The following MNAT1 variants were observed in gnomAD, a reference collection of about 807,000 sequenced individuals.
MNAT1 encodes CDK-activating kinase assembly factor MAT1.
Under a neutral mutation model 42.0 loss-of-function variants are expected in MNAT1, and 43 were observed. The observed-to-expected ratio is 1.02, with a 90% CI of 0.80 to 1.32. The LOEUF is 1.32. Among genes scored for constraint, MNAT1 ranks in the 40% most tolerant of loss-of-function variants. The pLI is 0.00. For synonymous variants in MNAT1, 118 were observed against 120.0 expected, an observed-to-expected ratio of 0.98 and a Z score of 0.11; for missense variants, 306 against 350.4, an observed-to-expected ratio of 0.87 and a Z score of 1.01.
At position 60,818,724 on chromosome 14, in the gene MNAT1, G is replaced by GCA; in HGVS notation, c.564_565insCA (p.Ser189GlnfsTer21). ...TTGAACTTGAACTATTCTTACAGGA[G>GCA]AGTTCTGATCTCCCTGTTGCTCTGC... is the stretch of plus-strand genomic sequence containing the variant. On this transcript the variant is annotated frameshift_variant, in exon 6 of 8. Transcript: ENST00000261245. LOFTEE classifies it high-confidence loss of function. 1 of 1,598,406 alleles carries GCA rather than the reference G, an allele frequency of 6.3e-7. No homozygotes were observed. The highest frequency in any genetic ancestry group is 8.5e-7 in the Non-Finnish European group (1 of 1,171,486).
chr14:60,843,024 A>G (rs1395005333), intron 6 of MNAT1, among the ~76,000 whole-genome samples: 1 of 152,186 alleles, frequency 6.6e-6, no homozygotes, highest in African/African-American at 2.4e-5. Context: ...GAATGTGTGT[A>G]TATCTGTTTA....
rs189622167 is a variant in MNAT1 at position 60,771,059 on chromosome 14, G to A, written c.90-25158G>A. ...GTTATGGTTTCTCTAGTATATATAC[G>A]TAGAATAAAACTATTAGGTAATAAG... On this transcript the variant is annotated intron_variant, in intron 1 of 7. Transcript: ENST00000261245. Among the ~76,000 whole-genome samples, 11 of 152,158 alleles carry A rather than the reference G, an allele frequency of 7.2e-5. No individual in the cohort carries two copies. The South Asian group carries it at 8.3e-4, about 11-fold the overall frequency.
At chr14:60,916,826 G>A (rs1051469491) in intron 7 of MNAT1, among the ~76,000 whole-genome samples, 31 of 152,064 alleles carry the variant, frequency 2.0e-4, no homozygotes, top group Non-Finnish European at 1.3e-4. Flanking sequence ...GGTTGTGCAT[G>A]CCAGTAGTCC....
At chr14:60,859,733 C>G (rs1038350190) in intron 6 of MNAT1, among the ~76,000 whole-genome samples, 1 of 152,034 alleles carries the variant, frequency 6.6e-6, no homozygotes, top group East Asian at 1.9e-4. Flanking sequence ...AGTCTCTTTC[C>G]TCTTGACACC....
At chr14:60,908,191 T>C (rs1219747019) in intron 7 of MNAT1, among the ~76,000 whole-genome samples, 1 of 152,166 alleles carries the variant, frequency 6.6e-6, no homozygotes, top group Non-Finnish European at 1.5e-5. Flanking sequence ...TTTTAGTTTG[T>C]TACTTATTTC....
intron 7 of MNAT1, among the ~76,000 whole-genome samples, chr14:60,916,534 G>A (rs1329510325): frequency 6.6e-6 from 1 of 152,152 alleles, no homozygotes; most frequent in African/African-American, 2.4e-5. Flanking sequence ...ATGCATCTGT[G>A]TTCCCAGCTA....
chr14:60,925,035 C>T (rs1457671228), intron 7 of MNAT1, among the ~76,000 whole-genome samples: 1 of 152,168 alleles, frequency 6.6e-6, no homozygotes. Flanking sequence ...GCTGTCCATT[C>T]ATGGGTCCAC....
intron 6 of MNAT1, among the ~76,000 whole-genome samples, chr14:60,838,296 TG>T (rs1254398396): frequency 6.6e-6 from 1 of 151,888 alleles, no homozygotes; most frequent in Non-Finnish European, 1.5e-5. Context: ...CCACCACACC[TG>T]GCGAATTTTT....
chr14:60,784,201 T>TTTTTTTTTTTTTTC lies in MNAT1; in HGVS notation c.90-12014_90-12013insTTTTTTTTTTTCTT, dbSNP rs1435948099. Among the ~76,000 whole-genome samples the TTTTTTTTTTTTTTC allele has an allele frequency of 2.8e-4, 40 of 143,962 alleles. 1 individual carries two copies. The highest frequency in any genetic ancestry group is 8.7e-4 in the African/African-American group (33 of 38,076). 94.4% of individuals were successfully genotyped at this position (143,962 alleles called of 152,430 possible). A position where few individuals can be genotyped will look rare whatever the true frequency, so the allele number is the denominator to read the frequency against. On this transcript the variant is annotated intron_variant, in intron 1 of 7. Coordinates refer to ENST00000261245, the MANE Select transcript of MNAT1 (RefSeq NM_002431.4). ...CTAATTTTTTTTTTTTTTTTTTTTT[T>TTTTTTTTTTTTTTC]TTAGTAGAGGCGAGGTTTTGCCATG...
chr14:60,796,400 A>C (rs200214735), intron 2 of MNAT1, 31 bp downstream of exon 2: 1 of 1,587,256 alleles, frequency 6.3e-7, no homozygotes, highest in East Asian at 2.3e-5. Flanking sequence ...GATTCAGTCA[A>C]CAAAGAGGAC....
intron 7 of MNAT1, among the ~76,000 whole-genome samples, chr14:60,903,822 G>A (rs2035125375): frequency 7.4e-6 from 1 of 135,882 alleles, no homozygotes; most frequent in South Asian, 2.3e-4. Flanking sequence ...AAACGTAGTT[G>A]TTTCATTTAA....
chr14:60,821,069 T>C (rs543767538), intron 6 of MNAT1, among the ~76,000 whole-genome samples: 35 of 152,328 alleles, frequency 2.3e-4, no homozygotes, highest in African/African-American at 7.7e-4. Context: ...CCTTGCTCCT[T>C]ATGCTCAATT....
chr14:60,933,813 T>C (rs2035937146), intron 7 of MNAT1, among the ~76,000 whole-genome samples: 1 of 152,108 alleles, frequency 6.6e-6, no homozygotes, highest in Non-Finnish European at 1.5e-5. Context: ...TATATAGAAT[T>C]TTTTCACTTA....
intron 3 of MNAT1, among the ~76,000 whole-genome samples, chr14:60,804,586 T>TACTA (rs1261846861): frequency 6.6e-6 from 1 of 152,190 alleles, no homozygotes. Context: ...AGTGCAGTGG[T>TACTA]ACTATCATAG....
chr14:60,897,793 T>C (rs1219052994), intron 7 of MNAT1, among the ~76,000 whole-genome samples: 1 of 152,212 alleles, frequency 6.6e-6, no homozygotes, highest in Non-Finnish European at 1.5e-5. Flanking sequence ...TAACATATTG[T>C]TGCTAACTGT....
At chr14:60,821,439 C>A (rs2032887383) in intron 6 of MNAT1, among the ~76,000 whole-genome samples, 3 of 152,088 alleles carry the variant, frequency 2.0e-5, no homozygotes. Flanking sequence ...TCACTGTGGA[C>A]CTTCATTAAA....
intron 7 of MNAT1, among the ~76,000 whole-genome samples, chr14:60,958,283 C>T (rs2036521427): frequency 6.6e-6 from 1 of 152,186 alleles, no homozygotes; most frequent in African/African-American, 2.4e-5. Flanking sequence ...TGAAGGATAG[C>T]TTTGCTGCAT....
chr14:60,958,649 T>TTC (rs1173484592), intron 7 of MNAT1, among the ~76,000 whole-genome samples: 4 of 141,710 alleles, frequency 2.8e-5, no homozygotes, highest in Non-Finnish European at 6.2e-5. Context: ...TTTTTTTTTT[T>TTC]TTTTTGAGAC....
At chr14:60,925,325 G>A (rs1228637961) in intron 7 of MNAT1, among the ~76,000 whole-genome samples, 3 of 152,072 alleles carry the variant, frequency 2.0e-5, no homozygotes, top group African/African-American at 4.8e-5. Context: ...TTTATATAAG[G>A]GACTTAAGCA....
Sources: gnomAD v4.1 joint callset for allele counts (sites outside exome capture counted in the v4.1 genomes callset) on GRCh38, gnomAD v4.1.1 for gene constraint, MANE v1.5 for transcripts, NCBI Gene and HGNC (gene_info 2026-07-23, HGNC 2026-07-21) for gene names.